The following SHROOM3 variants were observed in gnomAD, a reference collection of about 807,000 sequenced individuals.
SHROOM3 encodes the protein protein Shroom3.
A neutral mutation model predicts 138.6 loss-of-function variants in SHROOM3; 47 were observed. That is an observed-to-expected ratio of 0.34 (90% CI 0.27 to 0.43). SHROOM3 has a LOEUF of 0.43. SHROOM3 is among the 20% of genes least tolerant of loss of function. SHROOM3 has a pLI of 1.00. For missense variants in SHROOM3, 2,491 were observed against 2,596.5 expected (o/e 0.96, Z 0.88); for synonymous variants, 1,062 against 1,063.3 (o/e 1.00, Z 0.02).
At chr4:76,606,010 T>TAC in intron 2 of SHROOM3, among the ~76,000 whole-genome samples, 1 of 105,670 alleles carries the variant, frequency 9.5e-6, no homozygotes. Flanking sequence ...TATATATATT[T>TAC]TTTTTTTTTT....
At chr4:76,463,938 C>T (rs1366204670) in intron 1 of SHROOM3, among the ~76,000 whole-genome samples, 4 of 152,336 alleles carry the variant, frequency 2.6e-5, no homozygotes, top group South Asian at 2.1e-4. Context: ...GCTGCAGGGG[C>T]GGAGCCCTTA....
intron 2 of SHROOM3, among the ~76,000 whole-genome samples, chr4:76,621,638 G>A (rs374543946): frequency 6.4e-4 from 97 of 152,234 alleles, no homozygotes; most frequent in African/African-American, 2.2e-3. Flanking sequence ...AAGTTGGGTT[G>A]TGCCTCAGAA....
At chr4:76,734,574 G>A (rs963032637) in intron 4 of SHROOM3, among the ~76,000 whole-genome samples, 2 of 150,058 alleles carry the variant, frequency 1.3e-5, no homozygotes, top group Non-Finnish European at 3.0e-5. Context: ...GCAGTGATGC[G>A]ATCAAGGCTA....
rs139377706 is a variant in SHROOM3, at chr4:76,515,069, G to C, written c.169-40540G>C. Among the ~76,000 whole-genome samples, 814 of 152,196 alleles carry C rather than the reference G, an allele frequency of 5.3e-3. 8 individuals are homozygous for C. The highest frequency in any genetic ancestry group is 0.019 in the African/African-American group (784 of 41,534). ...GTCTCTACTACAAATACAAAAATTA[G>C]CTGGGCATGGTGCTGGAAGCCTGTA... On this transcript the variant is annotated intron_variant, in intron 1 of 10. Transcript: ENST00000296043.
At chr4:76,693,363 TAA>T (rs1413757917) in intron 2 of SHROOM3, among the ~76,000 whole-genome samples, 1 of 138,874 alleles carries the variant, frequency 7.2e-6, no homozygotes, top group Non-Finnish European at 1.5e-5. Context: ...TTCATTTTGA[TAA>T]GTTTGTTTTT....
chr4:76,596,372 A>G (rs1734384503), intron 2 of SHROOM3, among the ~76,000 whole-genome samples: 1 of 152,098 alleles, frequency 6.6e-6, no homozygotes, highest in South Asian at 2.1e-4. Flanking sequence ...TGATCACACC[A>G]CCGTACTCCA....
chr4:76,586,605 C>A, intron 2 of SHROOM3: 4 of 407,992 alleles, frequency 9.8e-6, no homozygotes, highest in Non-Finnish European at 1.3e-5. Flanking sequence ...ATGAAATCAC[C>A]AAGGTTTTGG....
Position 76,743,703 on chromosome 4 carries a change from G to A in SHROOM3, c.3753+1777G>A, listed in dbSNP as rs148245602. 9.7e-4 allele frequency among the ~76,000 whole-genome samples: 148 copies of A among 152,246 alleles called. 1 individual carries two copies. Among genetic ancestry groups the A allele is most frequent in the African/African-American group, 3.4e-3 (143 of 41,544 alleles). On this transcript the variant is annotated intron_variant, in intron 5 of 10. Transcript: ENST00000296043. Reference sequence around the variant, plus strand: ...GAGAAAATACCGTCCCCTCCCAGATGTTTTCTGTTTAGAATTGTACAGAAA... The same window carrying A: ...GAGAAAATACCGTCCCCTCCCAGATATTTTCTGTTTAGAATTGTACAGAAA...
chr4:76,557,602 G>C (rs1247209465), intron 2 of SHROOM3, among the ~76,000 whole-genome samples: 1 of 151,812 alleles, frequency 6.6e-6, no homozygotes, highest in Non-Finnish European at 1.5e-5. Context: ...TATGAGAATA[G>C]ATCTTAAGTG....
chr4:76,727,170 C>T (rs918237862), intron 3 of SHROOM3, among the ~76,000 whole-genome samples: 1 of 152,158 alleles, frequency 6.6e-6, no homozygotes, highest in African/African-American at 2.4e-5. Flanking sequence ...ATTTTGGGCC[C>T]ACTGGGGTCT....
At chr4:76,537,577 G>C (rs1733006255) in intron 1 of SHROOM3, among the ~76,000 whole-genome samples, 1 of 152,228 alleles carries the variant, frequency 6.6e-6, no homozygotes, top group Non-Finnish European at 1.5e-5. Context: ...CAGGAGGTCA[G>C]AGTAGGTCAG....
chr4:76,597,372 A>G (rs1378864688), intron 2 of SHROOM3, among the ~76,000 whole-genome samples: 1 of 152,210 alleles, frequency 6.6e-6, no homozygotes, highest in African/African-American at 2.4e-5. Context: ...GGGCAGGCCA[A>G]TTGGACTCAT....
intron 1 of SHROOM3, among the ~76,000 whole-genome samples, chr4:76,545,431 T>A (rs1175370307): frequency 6.6e-6 from 1 of 152,204 alleles, no homozygotes; most frequent in Non-Finnish European, 1.5e-5. Flanking sequence ...CCATAGGGTG[T>A]CACTGGGTAA....
intron 2 of SHROOM3, chr4:76,688,546 T>G (rs1028673771): frequency 1.0e-6 from 1 of 985,256 alleles, no homozygotes; most frequent in African/African-American, 1.7e-5. Flanking sequence ...TACTTTCATC[T>G]CTGGAGGTGA....
At chr4:76,456,256 C>T (rs759294093) in intron 1 of SHROOM3, among the ~76,000 whole-genome samples, 5 of 152,168 alleles carry the variant, frequency 3.3e-5, no homozygotes, top group African/African-American at 4.8e-5. Context: ...CCACCTGCCT[C>T]GGCCTCCCAA....
Position 76,772,103 on chromosome 4 carries a change from CTTT to C in SHROOM3, c.5622+1221_5622+1223del, listed in dbSNP as rs35590411. Reference sequence around the variant, plus strand: ...CTATGCTACCATCTTTTTTCTTTTTCTTTTTTTTTTTTTTTTTTGAGACAGAGT... The same window carrying C: ...CTATGCTACCATCTTTTTTCTTTTTCTTTTTTTTTTTTTTTGAGACAGAGT... On this transcript the variant is annotated intron_variant, in intron 10 of 10. Coordinates refer to ENST00000296043, the MANE Select transcript of SHROOM3 (RefSeq NM_020859.4). 2.1e-3 allele frequency among the ~76,000 whole-genome samples: 269 copies of C among 125,118 alleles called. 1 individual carries two copies. The highest frequency in any genetic ancestry group is 7.0e-3 in the African/African-American group (227 of 32,290). 82.1% of individuals were successfully genotyped at this position (125,118 alleles called of 152,430 possible). A position where few individuals can be genotyped will look rare whatever the true frequency, so the allele number is the denominator to read the frequency against.
chr4:76,615,867 CA>C (rs1366264318), intron 2 of SHROOM3, among the ~76,000 whole-genome samples: 1 of 152,198 alleles, frequency 6.6e-6, no homozygotes, highest in Non-Finnish European at 1.5e-5. Flanking sequence ...GTGAGGAAGA[CA>C]ACGCCTTCGC....
intron 3 of SHROOM3, among the ~76,000 whole-genome samples, chr4:76,723,198 G>A (rs757581639): frequency 2.6e-5 from 4 of 152,096 alleles, no homozygotes; most frequent in African/African-American, 4.8e-5. Context: ...TAAGCCTTCT[G>A]GCTGACTTCA....
chr4:76,641,805 T>C (rs4859456), intron 2 of SHROOM3, among the ~76,000 whole-genome samples: 98,863 of 152,024 alleles, frequency 0.65, 32,618 homozygotes, highest in Middle Eastern at 0.72. Flanking sequence ...CAGAATTAGA[T>C]TACTGTCCCC....
Sources: allele counts gnomAD v4.1 joint callset (sites outside exome capture counted in the v4.1 genomes callset), GRCh38; gene constraint gnomAD v4.1.1; transcripts MANE v1.5; gene names NCBI Gene and HGNC (gene_info 2026-07-23, HGNC 2026-07-21).